The following ANO5 variants were observed in gnomAD, a reference collection of about 807,000 sequenced individuals.
ANO5 encodes anoctamin 5, also known as anoctamin-5.
In ANO5, 109 loss-of-function variants were observed where a neutral mutation model predicts 121.0. The observed-to-expected ratio is 0.90, with a 90% CI of 0.77 to 1.06. The LOEUF (loss-of-function observed/expected upper bound fraction) is 1.06. Ranked by LOEUF, ANO5 falls within the 50% of genes least tolerant of loss-of-function variation. The pLI is 0.00. For missense variants in ANO5, 1,064 were observed against 1,078.5 expected (o/e 0.99, Z 0.19); for synonymous variants, 406 against 359.9 (o/e 1.13, Z -1.45).
At chr11:22,222,099 T>C (rs966912727) in intron 5 of ANO5, among the ~76,000 whole-genome samples, 9 of 152,108 alleles carry the variant, frequency 5.9e-5, no homozygotes, top group African/African-American at 1.7e-4. Flanking sequence ...CTTTTCTTTA[T>C]ACAACATTTC....
chr11:22,214,032 A>G (rs1426320924), intron 3 of ANO5, among the ~76,000 whole-genome samples: 4 of 151,816 alleles, frequency 2.6e-5, no homozygotes, highest in African/African-American at 9.7e-5. Context: ...CCTCCCTGAG[A>G]TTACAGGAGT....
At position 22,279,741 on chromosome 11, in the gene ANO5, A is replaced by G. The variant is rs761949360; in HGVS notation, c.2718A>G (p.Ala906=). 2 of 1,612,540 alleles carry G rather than the reference A, an allele frequency of 1.2e-6. No homozygotes were observed. The highest frequency in any genetic ancestry group is 1.7e-6 in the Non-Finnish European group (2 of 1,179,014). The stretch of plus-strand genomic sequence containing the variant: ...ATGTCATGATTGAGGAAAACAAAGC[A>G]CAGCTGGCTAAATCAACACTCTAAT... ...AKHVMIEENK[A]QLAKSTL Residue 906 remains alanine, a synonymous_variant, in exon 22 of 22, where the codon GCA becomes GCG. Transcript: ENST00000324559.
At chr11:22,264,117 G>A (rs140578956) in intron 17 of ANO5, among the ~76,000 whole-genome samples, 1,605 of 146,052 alleles carry the variant, frequency 0.011, 38 homozygotes, top group African/African-American at 0.04. Context: ...TCCACCTCCT[G>A]GGTTCAAGCA....
chr11:22,243,080 T>C (rs1475178106), intron 9 of ANO5, among the ~76,000 whole-genome samples: 4 of 152,116 alleles, frequency 2.6e-5, no homozygotes, highest in African/African-American at 9.7e-5. Flanking sequence ...GTTCATTCAA[T>C]ACCAAGACTA....
At chr11:22,210,999 T>A (rs1311759283) in intron 2 of ANO5, among the ~76,000 whole-genome samples, 1 of 151,834 alleles carries the variant, frequency 6.6e-6, no homozygotes, top group African/African-American at 2.4e-5. Flanking sequence ...AAATACTAAT[T>A]CTCTCTGAAG....
intron 12 of ANO5, among the ~76,000 whole-genome samples, chr11:22,252,868 C>T (rs984355112): frequency 6.6e-6 from 1 of 152,178 alleles, no homozygotes; most frequent in Non-Finnish European, 1.5e-5. Flanking sequence ...GGAACAGGTA[C>T]CATTCTAGGC....
At chr11:22,223,691 C>G (rs1382314164) in intron 5 of ANO5, among the ~76,000 whole-genome samples, 1 of 151,994 alleles carries the variant, frequency 6.6e-6, no homozygotes, top group Non-Finnish European at 1.5e-5. Context: ...GCTTTATTAA[C>G]TCTTTTCTGT....
At chr11:22,271,559 G>A (rs1854612578) in intron 18 of ANO5, among the ~76,000 whole-genome samples, 2 of 152,256 alleles carry the variant, frequency 1.3e-5, no homozygotes, top group Admixed American at 6.5e-5. Flanking sequence ...ATTTTTAATT[G>A]TGTAAGTTTC....
intron 9 of ANO5, among the ~76,000 whole-genome samples, chr11:22,241,024 T>A (rs1280724645): frequency 2.0e-5 from 3 of 151,998 alleles, no homozygotes; most frequent in Non-Finnish European, 4.4e-5. Context: ...AATTTTTTTA[T>A]ATAATTTCAA....
chr11:22,235,493 G>T (rs1419420070), intron 7 of ANO5, among the ~76,000 whole-genome samples: 2 of 151,864 alleles, frequency 1.3e-5, no homozygotes, highest in Non-Finnish European at 2.9e-5. Flanking sequence ...TAAAAGAAAG[G>T]AAAGGTAGGG....
intron 21 of ANO5, among the ~76,000 whole-genome samples, chr11:22,276,940 G>A (rs984913199): frequency 6.6e-6 from 1 of 151,136 alleles, no homozygotes; most frequent in Non-Finnish European, 1.5e-5. Flanking sequence ...TTGTTATCAA[G>A]GTTTCACATG....
In ANO5 at chr11:22,259,549, G is replaced by A; in HGVS notation, c.1438G>A (p.Val480Ile). ...MSLVVTSMVA[V>I]IVYRLSVFAT... ...TCTTGTCGTCACCAGTATGGTAGCT[G>A]TAATTGTGTACCGCCTGTCAGTCTT... The change falls in exon 15 of 22, where the codon GTA becomes ATA. Residue 480 changes from valine (V) to isoleucine (I), a missense_variant. Transcript: ENST00000324559. 1.2e-6 allele frequency: 2 copies of A among 1,614,144 alleles called. No individual in the cohort carries two copies. Among genetic ancestry groups the A allele is most frequent in the Non-Finnish European group, 8.5e-7 (1 of 1,180,010 alleles).
At chr11:22,211,096 A>G (rs143824813) in intron 2 of ANO5, among the ~76,000 whole-genome samples, 168 bp from the exon 3 acceptor site, 83 of 152,124 alleles carry the variant, frequency 5.5e-4, no homozygotes, top group African/African-American at 2.0e-3. Flanking sequence ...ATGAACACAC[A>G]TGCACATGCA....
chr11:22,221,848 T>A (rs575485212), intron 5 of ANO5, among the ~76,000 whole-genome samples: 1 of 152,026 alleles, frequency 6.6e-6, no homozygotes, highest in African/African-American at 2.4e-5. Context: ...ACACACACAT[T>A]TACTTATGTA....
intron 1 of ANO5, among the ~76,000 whole-genome samples, chr11:22,200,687 C>T (rs1025453823): frequency 6.6e-6 from 1 of 152,028 alleles, no homozygotes; most frequent in African/African-American, 2.4e-5. Flanking sequence ...TTTGCATCAC[C>T]AGTGCAAACG....
At chr11:22,205,317 A>G (rs868351316) in intron 2 of ANO5, among the ~76,000 whole-genome samples, 2 of 152,096 alleles carry the variant, frequency 1.3e-5, no homozygotes, top group Non-Finnish European at 2.9e-5. Context: ...TATGTATGCA[A>G]CAAACCTGCA....
At chr11:22,233,623 A>C (rs1853116379) in intron 7 of ANO5, among the ~76,000 whole-genome samples, 1 of 152,108 alleles carries the variant, frequency 6.6e-6, no homozygotes, top group African/African-American at 2.4e-5. Context: ...GACTGAGCCA[A>C]ATCAGGACTG....
At chr11:22,195,874 G>A (rs1851795867) in intron 1 of ANO5, among the ~76,000 whole-genome samples, 1 of 152,106 alleles carries the variant, frequency 6.6e-6, no homozygotes, top group Admixed American at 6.6e-5. Flanking sequence ...ACTAATTACT[G>A]CATTCTGCCC....
chr11:22,278,283 G>T (rs1026988308), intron 21 of ANO5, among the ~76,000 whole-genome samples: 2 of 151,540 alleles, frequency 1.3e-5, no homozygotes, highest in Admixed American at 6.6e-5. Flanking sequence ...GAGCCCCTTA[G>T]ATCTAAAAAC....
Sources: allele counts gnomAD v4.1 joint callset (sites outside exome capture counted in the v4.1 genomes callset), GRCh38; gene constraint gnomAD v4.1.1; transcripts MANE v1.5; gene names NCBI Gene and HGNC (gene_info 2026-07-23, HGNC 2026-07-21).